Variants in USH2A observed in about 807,000 individuals in gnomAD.
The protein encoded by USH2A is Usher syndrome 2A (autosomal recessive, mild).
Under a neutral mutation model 538.9 loss-of-function variants are expected in USH2A, and 443 were observed. The observed-to-expected ratio is 0.82, with a 90% confidence interval of 0.76 to 0.89. The LOEUF (loss-of-function observed/expected upper bound fraction) is 0.89, where lower values mean the gene tolerates loss of function less well. Among genes scored for constraint, USH2A ranks in the 40% least tolerant of loss-of-function variants. The pLI, the probability that USH2A is intolerant of heterozygous loss-of-function variation, is 0.00. For synonymous variants in USH2A, 2,413 were observed against 2,273.5 expected, an observed-to-expected ratio of 1.06 and a Z score of -1.75; for missense variants, 6,633 against 6,324.8, an observed-to-expected ratio of 1.05 and a Z score of -1.65.
intron 69 of USH2A, among the ~76,000 whole-genome samples, chr1:215,634,933 C>T (rs1179804238): frequency 6.6e-6 from 1 of 152,190 alleles, no homozygotes; most frequent in Non-Finnish European, 1.5e-5. Flanking sequence ...TCTGGCGCTG[C>T]TGCTCAGGTT....
chr1:216,247,048 T>C lies in USH2A; in HGVS notation c.2346A>G (p.Glu782=). 1 of 1,614,046 alleles carries C rather than the reference T, an allele frequency of 6.2e-7. No individual in the cohort carries two copies. Among genetic ancestry groups the C allele is most frequent in the Non-Finnish European group, 8.5e-7 (1 of 1,179,968 alleles). The change falls in exon 13 of 72, where the codon GAA becomes GAG. Residue 782 remains glutamate, a synonymous_variant. Transcript: ENST00000307340. ...TGGTGACATCTAACCCATAAAAGTT[T>C]TCTCTGCAGGTGTCACACTGAAGTC... The part of the protein sequence containing the change: ...AKGLQCDTCR[E]NFYGLDVTNC...
At chr1:216,041,173 A>G (rs989332202) in intron 32 of USH2A, among the ~76,000 whole-genome samples, 2 of 152,060 alleles carry the variant, frequency 1.3e-5, no homozygotes, top group African/African-American at 4.8e-5. Flanking sequence ...TTTGACTTAA[A>G]GTGTGTGCTA....
At chr1:216,177,361 G>T (rs955167962) in intron 20 of USH2A, among the ~76,000 whole-genome samples, 6 of 152,002 alleles carry the variant, frequency 3.9e-5, no homozygotes, top group East Asian at 1.9e-4. Flanking sequence ...ATCTTCTTTG[G>T]TCAAAAAAGC....
At chr1:216,140,194 T>A (rs2033573464) in intron 21 of USH2A, among the ~76,000 whole-genome samples, 1 of 152,146 alleles carries the variant, frequency 6.6e-6, no homozygotes, top group South Asian at 2.1e-4. Flanking sequence ...GAAGAAATAA[T>A]TAACACGGAT....
intron 37 of USH2A, among the ~76,000 whole-genome samples, chr1:215,958,545 A>G (rs1006843894): frequency 7.9e-5 from 12 of 152,036 alleles, no homozygotes; most frequent in Non-Finnish European, 1.5e-4. Flanking sequence ...TGAGATATGG[A>G]CTCCAATTAT....
chr1:215,679,360 C>T (rs1443952289), intron 62 of USH2A, among the ~76,000 whole-genome samples: 7 of 152,164 alleles, frequency 4.6e-5, no homozygotes, highest in African/African-American at 1.7e-4. Context: ...ATAGCAGCTG[C>T]AGGCTGGGGG....
At chr1:216,375,695 A>G (rs2102724687) in intron 3 of USH2A, among the ~76,000 whole-genome samples, 1 of 152,216 alleles carries the variant, frequency 6.6e-6, no homozygotes, top group East Asian at 1.9e-4. Context: ...TTTCCTTTGC[A>G]TTCAACTTGG....
In USH2A at chr1:215,728,365, C is replaced by G. The variant is rs200507789; in HGVS notation, c.11731G>C (p.Glu3911Gln). ...GACCAGACAAATAAAACAGACTCCT[C>G]TTCAATGCCAGCAGGGCGTCTGAAA... Reference protein sequence around the residue: ...FIYRRPAGIEEESVLFVWSEG... With the variant: ...FIYRRPAGIEQESVLFVWSEG... The change falls in exon 61 of 72, where the codon GAG becomes CAG. Residue 3911 changes from glutamate to glutamine, a missense_variant. By Grantham distance (29) the Glu-to-Gln change is conservative (BLOSUM62 2). Transcript: ENST00000307340. 3 of 1,614,144 alleles carry G rather than the reference C, an allele frequency of 1.9e-6. No individual in the cohort carries two copies. The highest frequency in any genetic ancestry group is 2.5e-6 in the Non-Finnish European group (3 of 1,180,036).
At chr1:216,342,003 A>G (rs561325413) in intron 4 of USH2A, among the ~76,000 whole-genome samples, 143 of 152,310 alleles carry the variant, frequency 9.4e-4, no homozygotes, top group African/African-American at 3.2e-3. Flanking sequence ...AATGGGATCT[A>G]ATTAAACTAA....
At chr1:216,230,917 CAG>C (rs1347259073) in intron 14 of USH2A, among the ~76,000 whole-genome samples, 1 of 151,480 alleles carries the variant, frequency 6.6e-6, no homozygotes, top group African/African-American at 2.4e-5. Context: ...CACACACACA[CAG>C]ACACAGAATT....
intron 21 of USH2A, among the ~76,000 whole-genome samples, chr1:216,160,356 A>C (rs2034032360): frequency 6.6e-6 from 1 of 152,168 alleles, no homozygotes; most frequent in Non-Finnish European, 1.5e-5. Flanking sequence ...TATTATCATT[A>C]GATAAAAATA....
intron 23 of USH2A, 144 bp from the exon 24 acceptor site, chr1:216,086,964 T>C (rs994962384): frequency 1.5e-6 from 1 of 666,546 alleles, no homozygotes; most frequent in African/African-American, 1.8e-5. Context: ...TTACTTTTCT[T>C]CACTGGCTCT....
At chr1:216,353,943 G>A (rs1051142511) in intron 4 of USH2A, among the ~76,000 whole-genome samples, 8 of 152,198 alleles carry the variant, frequency 5.3e-5, no homozygotes, top group African/African-American at 1.9e-4. Flanking sequence ...CTCATTGGAC[G>A]AGACCCAGGG....
rs550886969 is a variant in USH2A, at chr1:216,386,540, A to G, written c.652-21455T>C. ...ACAAACAAAAAACAAAAACCAAAAA[A>G]CTATATATATATATATATATATATA... On this transcript the variant is annotated intron_variant, in intron 3 of 71. Coordinates refer to ENST00000307340, the MANE Select transcript of USH2A (RefSeq NM_206933.4). 7.8e-3 allele frequency among the ~76,000 whole-genome samples: 397 copies of G among 51,080 alleles called. 1 individual carries two copies. Among genetic ancestry groups the G allele is most frequent in the African/African-American group, 0.024 (372 of 15,290 alleles). 33.5% of individuals were successfully genotyped at this position (51,080 alleles called of 152,430 possible).
At chr1:215,627,453 C>T (rs370733029) in intron 71 of USH2A, among the ~76,000 whole-genome samples, 38,696 of 103,870 alleles carry the variant, frequency 0.37, 7,767 homozygotes, top group East Asian at 0.55. Flanking sequence ...TCCTTCCTTC[C>T]TTCCTTCCTT....
chr1:216,071,815 G>C (rs1409128752), intron 29 of USH2A, among the ~76,000 whole-genome samples: 1 of 152,162 alleles, frequency 6.6e-6, no homozygotes, highest in East Asian at 1.9e-4. Flanking sequence ...TTTTATATTG[G>C]AGCTTTCTCT....
At chr1:216,002,797 C>T (rs1280374175) in intron 32 of USH2A, among the ~76,000 whole-genome samples, 1 of 152,038 alleles carries the variant, frequency 6.6e-6, no homozygotes, top group African/African-American at 2.4e-5. Context: ...CAAAAAGGCC[C>T]GATGCTTGCT....
At position 215,659,961 on chromosome 1, in the gene USH2A, G is replaced by A. The variant is rs373751448; in HGVS notation, c.14134-9160C>T. Among the ~76,000 whole-genome samples the A allele has an allele frequency of 3.0e-4, 46 of 152,224 alleles. No homozygotes were observed. In the East Asian group the frequency reaches 7.5e-3, roughly 25 times the overall value. On this transcript the variant is annotated intron_variant, in intron 64 of 71. Transcript: ENST00000307340. ...AAGAAATAACAACATCTATCCCACA[G>A]GACTATTTTAAGATTTACATGCAAT...
intron 60 of USH2A, among the ~76,000 whole-genome samples, chr1:215,734,702 T>A (rs1660105282): frequency 6.6e-6 from 1 of 152,210 alleles, no homozygotes; most frequent in East Asian, 1.9e-4. Flanking sequence ...CCCTAGGTTT[T>A]TACTCTTAAG....
Sources: allele counts gnomAD v4.1 joint callset (sites outside exome capture counted in the v4.1 genomes callset), GRCh38; gene constraint gnomAD v4.1.1; transcripts MANE v1.5; gene names NCBI Gene and HGNC (gene_info 2026-07-23, HGNC 2026-07-21).